Variants in SGMS2 observed in about 807,000 individuals in gnomAD.
SGMS2 encodes the protein phosphatidylcholine:ceramide cholinephosphotransferase 2.
Under a neutral mutation model 43.8 loss-of-function variants are expected in SGMS2, and 21 were observed. That is an observed-to-expected ratio of 0.48 (90% CI 0.34 to 0.69). The LOEUF is 0.69. SGMS2 is among the 30% of genes least tolerant of loss of function. The probability of loss-of-function intolerance (pLI) is 0.01; values close to 1 mark genes in which losing one functional copy is unlikely to be tolerated. For synonymous variants in SGMS2, 167 were observed against 160.6 expected (o/e 1.04, Z -0.30); for missense variants, 384 against 443.2 (o/e 0.87, Z 1.20).
chr4:107,880,273 A>G (rs955779158), intron 2 of SGMS2, among the ~76,000 whole-genome samples: 9 of 152,238 alleles, frequency 5.9e-5, no homozygotes, highest in African/African-American at 2.2e-4. Flanking sequence ...TAAAAAAGAT[A>G]TAGGACTTAG....
In SGMS2 at chr4:107,835,336, A is replaced by C. The variant is rs546681715; in HGVS notation, c.-327+10083A>C. The stretch of plus-strand genomic sequence containing the variant: ...CAAACCATAGAGACAGAATATTTTC[A>C]TATTTGTAATACTTTTAAATGCATC... On this transcript the variant is annotated intron_variant, in intron 1 of 6. Coordinates refer to ENST00000690982, the MANE Select transcript of SGMS2 (RefSeq NM_001375905.1). Among the ~76,000 whole-genome samples, 8 of 152,342 alleles carry C rather than the reference A, an allele frequency of 5.3e-5. No homozygotes were observed. The South Asian group carries it at 1.7e-3, about 32-fold the overall frequency.
At position 107,843,727 on chromosome 4, in the gene SGMS2, G is replaced by C. The variant is rs535595374; in HGVS notation, c.-326-14745G>C. 2.0e-5 allele frequency among the ~76,000 whole-genome samples: 3 copies of C among 152,320 alleles called. No individual in the cohort carries two copies. In the East Asian group the frequency reaches 5.8e-4, roughly 29 times the overall value. On this transcript the variant is annotated intron_variant, in intron 1 of 6. Transcript: ENST00000690982. ...GTGTGACCAACCAGGTTCCAAGAAG[G>C]CTTGGATGTCTTCTTCTCTGTCCCC...
At chr4:107,847,379 C>T (rs1028973833) in intron 1 of SGMS2, among the ~76,000 whole-genome samples, 7 of 152,050 alleles carry the variant, frequency 4.6e-5, no homozygotes, top group African/African-American at 9.7e-5. Flanking sequence ...GAATCCTTTC[C>T]CCATTGCTTG....
chr4:107,892,213 T>C (rs1268447003), intron 2 of SGMS2, among the ~76,000 whole-genome samples: 1 of 136,052 alleles, frequency 7.4e-6, no homozygotes, highest in Non-Finnish European at 1.5e-5. Flanking sequence ...GCCTGCCTTG[T>C]GTTGGAAGCA....
chr4:107,844,061 G>T (rs541344340), intron 1 of SGMS2, among the ~76,000 whole-genome samples: 9 of 152,086 alleles, frequency 5.9e-5, no homozygotes, highest in Admixed American at 4.6e-4. Context: ...GGTGGCTCAC[G>T]CCTATAATCC....
chr4:107,862,371 C>T (rs962993125), intron 2 of SGMS2, among the ~76,000 whole-genome samples: 4 of 152,028 alleles, frequency 2.6e-5, no homozygotes, highest in African/African-American at 7.3e-5. Context: ...TCCTTGATTC[C>T]GAAGCTACTT....
chr4:107,894,803 A>C (rs1730525030), intron 2 of SGMS2, among the ~76,000 whole-genome samples: 1 of 152,090 alleles, frequency 6.6e-6, no homozygotes, highest in Non-Finnish European at 1.5e-5. Flanking sequence ...GTCACTTAAA[A>C]AGACTTCTGT....
At chr4:107,890,954 A>G (rs996625503) in intron 2 of SGMS2, among the ~76,000 whole-genome samples, 3 of 151,892 alleles carry the variant, frequency 2.0e-5, no homozygotes, top group South Asian at 2.1e-4. Context: ...TCATGGTGGG[A>G]AAAAAAAGGC....
intron 2 of SGMS2, among the ~76,000 whole-genome samples, chr4:107,879,894 C>T (rs1729213337): frequency 6.6e-6 from 1 of 152,156 alleles, no homozygotes; most frequent in Non-Finnish European, 1.5e-5. Flanking sequence ...TAGAACATTT[C>T]TGTAACCCAG....
At chr4:107,881,261 GA>G (rs903435013) in intron 2 of SGMS2, among the ~76,000 whole-genome samples, 49 of 148,134 alleles carry the variant, frequency 3.3e-4, no homozygotes, top group African/African-American at 7.7e-4. Flanking sequence ...TTTAAGAAAT[GA>G]AAAAAAAAAG....
intron 1 of SGMS2, among the ~76,000 whole-genome samples, chr4:107,838,538 G>C (rs376294709): frequency 6.6e-6 from 1 of 152,080 alleles, no homozygotes; most frequent in South Asian, 2.1e-4. Context: ...AGCCTTCACT[G>C]GTTACTCCTG....
chr4:107,858,177 C>G (rs920815035), intron 1 of SGMS2, among the ~76,000 whole-genome samples: 1 of 152,162 alleles, frequency 6.6e-6, no homozygotes, highest in Non-Finnish European at 1.5e-5. Context: ...TGTGTTAGAA[C>G]GCGAACATCA....
chr4:107,846,475 G>C (rs1406368970), intron 1 of SGMS2, among the ~76,000 whole-genome samples: 1 of 149,860 alleles, frequency 6.7e-6, no homozygotes, highest in African/African-American at 2.4e-5. Context: ...GTATTCCATG[G>C]TGTATATGTG....
At chr4:107,877,971 A>T (rs1468766282) in intron 2 of SGMS2, among the ~76,000 whole-genome samples, 1 of 134,210 alleles carries the variant, frequency 7.5e-6, no homozygotes, top group Non-Finnish European at 1.5e-5. Flanking sequence ...GCTGGAGGGC[A>T]GTGGTGCAAT....
Position 107,835,847 on chromosome 4 carries a change from A to T in SGMS2, c.-327+10594A>T, listed in dbSNP as rs144299272. 2.6e-5 allele frequency among the ~76,000 whole-genome samples: 4 copies of T among 152,330 alleles called. No individual in the cohort carries two copies. The East Asian group carries it at 7.7e-4, about 29-fold the overall frequency. The stretch of plus-strand genomic sequence containing the variant: ...CTTTGATGAACTAGTTTCTGAGCTT[A>T]CAAAGAGCAGACTCCGGACCAATGT... On this transcript the variant is annotated intron_variant, in intron 1 of 6. Coordinates refer to ENST00000690982, the MANE Select transcript of SGMS2 (RefSeq NM_001375905.1).
chr4:107,848,624 CATT>C (rs1314284557), intron 1 of SGMS2, among the ~76,000 whole-genome samples: 3 of 152,054 alleles, frequency 2.0e-5, no homozygotes, highest in African/African-American at 7.2e-5. Context: ...GGTTGTAGCT[CATT>C]GTTGTTTTAA....
rs1255297049 is a variant in SGMS2, at chr4:107,912,189, G to A, written c.*1636G>A. The A allele has an allele frequency of 6.6e-6, 1 of 152,102 alleles. No homozygotes were observed. Among genetic ancestry groups the A allele is most frequent in the Non-Finnish European group, 1.5e-5 (1 of 68,004 alleles). 9.4% of individuals were successfully genotyped at this position (152,102 alleles called of 1,614,324 possible). A position where few individuals can be genotyped will look rare whatever the true frequency, so the allele number is the denominator to read the frequency against. ...ACATCCTTTGGTGCTAAAATCTTGT[G>A]TATGTTTTCAGAATGGCTTTTTCTG... On this transcript the variant is annotated 3_prime_UTR_variant, in exon 7 of 7. Coordinates refer to ENST00000690982, the MANE Select transcript of SGMS2 (RefSeq NM_001375905.1).
At chr4:107,887,620 ATACT>A in intron 2 of SGMS2, among the ~76,000 whole-genome samples, 1 of 152,230 alleles carries the variant, frequency 6.6e-6, no homozygotes, top group African/African-American at 2.4e-5. Context: ...AGAAAAAGGC[ATACT>A]TTATAATTTG....
At chr4:107,883,600 ATCTG>A (rs1465637966) in intron 2 of SGMS2, among the ~76,000 whole-genome samples, 4 of 152,206 alleles carry the variant, frequency 2.6e-5, no homozygotes. Flanking sequence ...GTATTTATAT[ATCTG>A]TCTTGCAATT....
Sources: allele counts gnomAD v4.1 joint callset (sites outside exome capture counted in the v4.1 genomes callset), GRCh38; gene constraint gnomAD v4.1.1; transcripts MANE v1.5; gene names NCBI Gene and HGNC (gene_info 2026-07-23, HGNC 2026-07-21).